ANKRD55: variants seen among roughly 807,000 people sequenced by gnomAD.
ANKRD55 encodes ankyrin repeat domain-containing protein 55.
A neutral mutation model predicts 60.6 loss-of-function variants in ANKRD55; 41 were observed. The ratio of observed to expected loss-of-function variants is 0.68; its 90% CI spans 0.53 to 0.88. The LOEUF (loss-of-function observed/expected upper bound fraction) is 0.88, where lower values mean the gene tolerates loss of function less well. Ranked by LOEUF, ANKRD55 falls within the 40% of genes least tolerant of loss-of-function variation. The probability of loss-of-function intolerance (pLI) is 0.00; values close to 1 mark genes in which losing one functional copy is unlikely to be tolerated. For synonymous variants in ANKRD55, 264 were observed against 290.3 expected (o/e 0.91, Z 0.92); for missense variants, 732 against 767.6 (o/e 0.95, Z 0.55).
In ANKRD55 at chr5:56,100,100, C is replaced by T. The variant is rs926587927; in HGVS notation, c.*83G>A. 1.1e-5 allele frequency: 17 copies of T among 1,587,208 alleles called. No homozygotes were observed. Among genetic ancestry groups the T allele is most frequent in the African/African-American group, 4.0e-5 (3 of 74,370 alleles). ...GAATGCAGCTTACTAAATTGGTCTT[C>T]GTTCTTACAAACTGGAGTAATCTTG... is the stretch of plus-strand genomic sequence containing the variant. On this transcript the variant is annotated 3_prime_UTR_variant, in exon 12 of 12. Transcript: ENST00000341048.
At chr5:56,208,923 G>C (rs940840322) in intron 2 of ANKRD55, among the ~76,000 whole-genome samples, 4 of 151,794 alleles carry the variant, frequency 2.6e-5, no homozygotes, top group African/African-American at 9.7e-5. Context: ...ATGTCACTAT[G>C]AGGTACATGA....
At chr5:56,105,956 C>T (rs1428179562) in intron 10 of ANKRD55, among the ~76,000 whole-genome samples, 1 of 152,198 alleles carries the variant, frequency 6.6e-6, no homozygotes, top group Non-Finnish European at 1.5e-5. Context: ...GTTCCATTTT[C>T]TCTGAAAGCT....
At chr5:56,176,451 AT>A (rs1383966961) in intron 3 of ANKRD55, among the ~76,000 whole-genome samples, 169 bp from the exon 4 acceptor site, 1 of 152,156 alleles carries the variant, frequency 6.6e-6, no homozygotes, top group Admixed American at 6.5e-5. Context: ...TAAACTATGT[AT>A]TTTTTTTACT....
In ANKRD55 at chr5:56,111,622, A is replaced by G. The variant is rs77017041; in HGVS notation, c.1126T>C (p.Ser376Pro). 10,650 of 1,579,604 alleles carry G rather than the reference A, an allele frequency of 6.7e-3. 67 individuals are homozygous for G. Among genetic ancestry groups the G allele is most frequent in the Non-Finnish European group, 8.2e-3 (9,534 of 1,165,674 alleles). The change falls in exon 10 of 12, where the codon TCA (serine) becomes CCA (proline). Residue 376 changes from serine to proline, a missense_variant. Coordinates refer to ENST00000341048, the MANE Select transcript of ANKRD55 (RefSeq NM_024669.3). Reference sequence around the variant, plus strand: ...GTGGTGATGATGTCATTGACTTCTGAGGTGTCCTCCTCTCTGTATCGGTCC... The same window carrying G: ...GTGGTGATGATGTCATTGACTTCTGGGGTGTCCTCCTCTCTGTATCGGTCC... Reference protein sequence around the residue: ...SRDRYREEDTSEVNDIITTFD... With the variant: ...SRDRYREEDTPEVNDIITTFD...
rs1297411379 is a variant in ANKRD55, at chr5:56,135,264, T to C, written c.613-8158A>G. Among the ~76,000 whole-genome samples, 83 of 97,484 alleles carry C rather than the reference T, an allele frequency of 8.5e-4. 1 individual carries two copies. The highest frequency in any genetic ancestry group is 9.5e-4 in the Admixed American group (9 of 9,522). 64.0% of individuals were successfully genotyped at this position (97,484 alleles called of 152,430 possible). ...CTTCCTTCCTTCCTTCCTTCCTTCT[T>C]TCCCTCCCTCCCTCCCTGCCTGCCT... On this transcript the variant is annotated intron_variant, in intron 7 of 11. Coordinates refer to ENST00000341048, the MANE Select transcript of ANKRD55 (RefSeq NM_024669.3).
At chr5:56,189,489 C>T (rs1377679897) in intron 2 of ANKRD55, among the ~76,000 whole-genome samples, 2 of 152,094 alleles carry the variant, frequency 1.3e-5, no homozygotes, top group African/African-American at 4.8e-5. Flanking sequence ...CCATTCTTTC[C>T]CATCCCCAGT....
intron 2 of ANKRD55, among the ~76,000 whole-genome samples, chr5:56,210,560 C>CAAAAAAAAAAAAAAAAAAA: frequency 1.5e-5 from 1 of 65,158 alleles, no homozygotes; most frequent in Non-Finnish European, 3.2e-5. Flanking sequence ...GACTACGTCT[C>CAAAAAAAAAAAAAAAAAAA]AAAAAAAAAA....
intron 11 of ANKRD55, among the ~76,000 whole-genome samples, chr5:56,101,930 A>T (rs923348908): frequency 1.3e-5 from 2 of 152,212 alleles, no homozygotes; most frequent in African/African-American, 4.8e-5. Context: ...TAAATAATAC[A>T]TGTAAAAATA....
intron 2 of ANKRD55, among the ~76,000 whole-genome samples, chr5:56,223,028 A>G (rs1760008871): frequency 6.6e-6 from 1 of 152,198 alleles, no homozygotes; most frequent in African/African-American, 2.4e-5. Flanking sequence ...CCTCAAGAAG[A>G]CCAACTCCAA....
intron 2 of ANKRD55, among the ~76,000 whole-genome samples, chr5:56,201,158 C>A (rs1394437632): frequency 6.6e-6 from 1 of 152,200 alleles, no homozygotes; most frequent in African/African-American, 2.4e-5. Flanking sequence ...TTCCCTCTCT[C>A]CCCCTGCGGG....
rs139635048 is a variant in ANKRD55 at position 56,218,302 on chromosome 5, G to A, written c.58+14554C>T. Among the ~76,000 whole-genome samples, 142 of 152,290 alleles carry A rather than the reference G, an allele frequency of 9.3e-4. 3 individuals are homozygous for A. In the Middle Eastern group the frequency reaches 0.027, roughly 29 times the overall value. ...AAAGAATTTCTACGGTGGGTAAAAT[G>A]CTATCAAACCATATCACATGTTACA... is the stretch of plus-strand genomic sequence containing the variant. On this transcript the variant is annotated intron_variant, in intron 2 of 11. Transcript: ENST00000341048.
At chr5:56,107,764 AG>A (rs1383404604) in intron 10 of ANKRD55, among the ~76,000 whole-genome samples, 1 of 152,176 alleles carries the variant, frequency 6.6e-6, no homozygotes, top group African/African-American at 2.4e-5. Context: ...GCCATACATT[AG>A]GTGACGGGGC....
At chr5:56,170,945 C>T (rs987541867) in intron 4 of ANKRD55, 142 bp from the exon 5 acceptor site, 1 of 704,962 alleles carries the variant, frequency 1.4e-6, no homozygotes. Context: ...AGAACCACAA[C>T]TCCATCTTAG....
chr5:56,102,446 A>T (rs776633900), intron 11 of ANKRD55, 48 bp downstream of exon 11: 1 of 1,299,444 alleles, frequency 7.7e-7, no homozygotes, highest in Non-Finnish European at 1.1e-6. Flanking sequence ...TTGTGTCTAG[A>T]TATGTTAACA....
intron 2 of ANKRD55, among the ~76,000 whole-genome samples, chr5:56,225,974 A>G (rs1324237327): frequency 4.6e-5 from 7 of 152,246 alleles, no homozygotes; most frequent in Admixed American, 4.6e-4. Context: ...AGAATTGGAA[A>G]AAACTACTTT....
intron 11 of ANKRD55, among the ~76,000 whole-genome samples, chr5:56,101,331 G>T (rs1196589827): frequency 6.6e-6 from 1 of 152,146 alleles, no homozygotes; most frequent in Admixed American, 6.5e-5. Context: ...GAAAGGTTGA[G>T]AAACTTATCT....
chr5:56,181,163 C>A (rs1364658381), intron 3 of ANKRD55, among the ~76,000 whole-genome samples: 4 of 152,160 alleles, frequency 2.6e-5, no homozygotes, highest in African/African-American at 9.7e-5. Flanking sequence ...CACCACTGCA[C>A]CCCAGTCTGG....
At chr5:56,212,115 G>A (rs370793038) in intron 2 of ANKRD55, among the ~76,000 whole-genome samples, 1 of 151,282 alleles carries the variant, frequency 6.6e-6, no homozygotes, top group Non-Finnish European at 1.5e-5. Flanking sequence ...AATTCGGTTT[G>A]TGAATACAAA....
chr5:56,228,095 A>G (rs192428346), intron 2 of ANKRD55, among the ~76,000 whole-genome samples: 123 of 152,280 alleles, frequency 8.1e-4, no homozygotes, highest in African/African-American at 2.9e-3. Flanking sequence ...CCCTAAAGAC[A>G]TGTTCTAACC....
Sources: allele counts gnomAD v4.1 joint callset (sites outside exome capture counted in the v4.1 genomes callset), GRCh38; gene constraint gnomAD v4.1.1; transcripts MANE v1.5; gene names NCBI Gene and HGNC (gene_info 2026-07-23, HGNC 2026-07-21).